Variants in TMEM253 observed in about 807,000 individuals in gnomAD.
The protein encoded by TMEM253 is transmembrane protein C14orf176.
TMEM253 carries 22 observed loss-of-function variants against 20.3 expected under a neutral mutation model. That is an observed-to-expected ratio of 1.08 (90% CI 0.78 to 1.55). The LOEUF (loss-of-function observed/expected upper bound fraction) is 1.55. Among genes scored for constraint, TMEM253 ranks in the 40% most tolerant of loss-of-function variants. The pLI, the probability that TMEM253 is intolerant of heterozygous loss-of-function variation, is 0.00. For synonymous variants in TMEM253, 92 were observed against 102.6 expected (o/e 0.90, Z 0.62); for missense variants, 251 against 266.1 (o/e 0.94, Z 0.39).
chr14:21,100,729 C>G (rs1889581398), upstream of TMEM253, among the ~76,000 whole-genome samples: 1 of 152,168 alleles, frequency 6.6e-6, no homozygotes, highest in Non-Finnish European at 1.5e-5. Context: ...CTTACCTGGT[C>G]TGGGGGCAAA....
intron 3 of TMEM253, 33 bp from the exon 4 acceptor site, chr14:21,102,029 ACC>A: frequency 6.4e-7 from 1 of 1,550,676 alleles, no homozygotes; most frequent in Non-Finnish European, 8.7e-7. Context: ...TCCTAACGGG[ACC>A]AGAGCTCAAC....
chr14:21,101,806 T>A, intron 2 of TMEM253, 59 bp from the exon 3 acceptor site: 1 of 1,377,200 alleles, frequency 7.3e-7, no homozygotes, highest in Non-Finnish European at 1.0e-6. Context: ...AGGTAGGAGT[T>A]ACGAGAAGGG....
intron 2 of TMEM253, 41 bp downstream of exon 2, chr14:21,101,492 C>A (rs756018855): frequency 1.3e-6 from 2 of 1,509,618 alleles, no homozygotes; most frequent in Admixed American, 2.0e-5. Context: ...AGCATGTCCA[C>A]TTCTACCCAA....
In TMEM253 at chr14:21,103,152, T is replaced by A. The variant is rs1046228971; in HGVS notation, c.548T>A (p.Leu183Ter). 6.4e-7 allele frequency: 1 copy of A among 1,551,686 alleles called. No individual in the cohort carries two copies. Among genetic ancestry groups the A allele is most frequent in the Admixed American group, 2.0e-5 (1 of 51,004 alleles). ...TCTGGTTTTCAGGGCTTCTCTGAGTTGGAAGAGGTTCCTGGTTTGGAGAAT... is the reference window on the plus strand; with the variant it reads ...TCTGGTTTTCAGGGCTTCTCTGAGTAGGAAGAGGTTCCTGGTTTGGAGAAT... Residue 183 changes from leucine to a stop codon, truncating the protein, a stop_gained, in exon 7 of 7, where the codon TTG becomes TAG. Transcript: ENST00000556585. LOFTEE classifies it low-confidence loss of function (END_TRUNC).
At chr14:21,100,163 G>T (rs1040690510), upstream of TMEM253, among the ~76,000 whole-genome samples, 1 of 152,104 alleles carries the variant, frequency 6.6e-6, no homozygotes, top group East Asian at 1.9e-4. Flanking sequence ...AGGAGTTTGA[G>T]ACCAGCTTAG....
At position 21,103,397 on chromosome 14, in the gene TMEM253, A is replaced by C. The variant is rs150024369; in HGVS notation, c.*139A>C. The C allele has an allele frequency of 9.0e-3, 12,072 of 1,341,336 alleles. 82 individuals carry two copies. The highest frequency in any genetic ancestry group is 0.019 in the South Asian group (1,219 of 65,518). The allele number at this position is 1,341,336 out of a possible 1,614,324, so 83.1% of individuals were successfully genotyped here. ...GCCCTTTTTTCGTTCCTTCCCTGTT[A>C]GGGGAAGATACACCTGGACGAGAAT... On this transcript the variant is annotated 3_prime_UTR_variant, in exon 7 of 7. Coordinates refer to ENST00000556585, the Ensembl canonical transcript of TMEM253.
exon 7 of TMEM253, chr14:21,103,534 T>G: frequency 2.4e-6 from 1 of 423,048 alleles, no homozygotes; most frequent in Non-Finnish European, 4.2e-6. Context: ...TTTTCTTTTC[T>G]GTCCACCTTT....
upstream of TMEM253, chr14:21,101,084 C>A: frequency 2.9e-6 from 1 of 346,964 alleles, no homozygotes; most frequent in South Asian, 3.0e-5. Context: ...CAGCCTTCCT[C>A]TGCCAGGACA....
At position 21,101,989 on chromosome 14, in the gene TMEM253, C is replaced by A. The variant is rs1229341927; in HGVS notation, c.219+14C>A. On this transcript the variant is annotated intron_variant, in intron 3 of 6. Transcript: ENST00000556585. ...CCTGGAGCCTCAGTAAGACCCACCACAAGGGAGGGTGGAAGGTCCCAGGGC... is the reference window on the plus strand; with the variant it reads ...CCTGGAGCCTCAGTAAGACCCACCAAAAGGGAGGGTGGAAGGTCCCAGGGC... 1.3e-6 allele frequency: 2 copies of A among 1,551,068 alleles called. No homozygotes were observed. The highest frequency in any genetic ancestry group is 4.9e-5 in the East Asian group (2 of 40,906).
In TMEM253 at chr14:21,102,601, G is replaced by A. The variant is rs1423563224; in HGVS notation, c.388-32G>A. 5.8e-6 allele frequency: 9 copies of A among 1,550,996 alleles called. No individual in the cohort carries two copies. In the Admixed American group the frequency reaches 5.9e-5, roughly 10 times the overall value. On this transcript the variant is annotated intron_variant, in intron 5 of 6. Coordinates refer to ENST00000556585, the Ensembl canonical transcript of TMEM253. Reference sequence around the variant, plus strand: ...AAGGGCAGGGGCAAACAGGTGCGGGGTCCCTGCATTCTCAGCCCTGTCTAC... The same window carrying A: ...AAGGGCAGGGGCAAACAGGTGCGGGATCCCTGCATTCTCAGCCCTGTCTAC...
exon 7 of TMEM253, chr14:21,103,165 T>G: frequency 6.4e-7 from 1 of 1,551,716 alleles, no homozygotes; most frequent in Non-Finnish European, 8.7e-7. Context: ...AAGAGGTTCC[T>G]GGTTTGGAGA....
chr14:21,101,546 C>A, intron 2 of TMEM253, 95 bp downstream of exon 2: 1 of 1,178,912 alleles, frequency 8.5e-7, no homozygotes, highest in South Asian at 1.4e-5. Flanking sequence ...TGAGCACCTA[C>A]CATGTGCCAG....
exon 6 of TMEM253, chr14:21,102,682 G>C: frequency 6.4e-7 from 1 of 1,551,590 alleles, no homozygotes; most frequent in Non-Finnish European, 8.7e-7. Context: ...TTCACCCTAG[G>C]GGGAGTGCTG....
At position 21,102,790 on chromosome 14, in the gene TMEM253, A is replaced by C; in HGVS notation, c.534+11A>C. 1 of 1,546,904 alleles carries C rather than the reference A, an allele frequency of 6.5e-7. No homozygotes were observed. The highest frequency in any genetic ancestry group is 2.4e-5 in the East Asian group (1 of 40,906). The stretch of plus-strand genomic sequence containing the variant: ...CAAGAGCTGCAGGAGGTATGGGGGC[A>C]GGGAAGAAAGCACGAATAGCTAGCT... On this transcript the variant is annotated intron_variant, in intron 6 of 6. Transcript: ENST00000556585.
At chr14:21,102,271 G>T in intron 4 of TMEM253, 134 bp from the exon 5 acceptor site, 1 of 1,405,448 alleles carries the variant, frequency 7.1e-7, no homozygotes, top group Non-Finnish European at 9.6e-7. Context: ...AAGCAAAAAA[G>T]TTAAGAGGGC....
rs1889627101 is a variant in TMEM253 at position 21,101,463 on chromosome 14, C to T, written c.108+12C>T. On this transcript the variant is annotated intron_variant, in intron 2 of 6. Transcript: ENST00000556585. The stretch of plus-strand genomic sequence containing the variant: ...TCTTGGTGCTAGCGGTGAGGCCAGG[C>T]TACCCCATCCCAGGTCTCAGCATGT... 1.9e-6 allele frequency: 3 copies of T among 1,549,330 alleles called. No individual in the cohort carries two copies. The highest frequency in any genetic ancestry group is 2.6e-6 in the Non-Finnish European group (3 of 1,145,144).
chr14:21,100,471 C>T (rs1889563016), upstream of TMEM253, among the ~76,000 whole-genome samples: 1 of 152,132 alleles, frequency 6.6e-6, no homozygotes, highest in South Asian at 2.1e-4. Flanking sequence ...GGCACCTTCT[C>T]TCTCAAAAAT....
rs1889611605 is a variant in TMEM253 at position 21,101,290 on chromosome 14, A to G, written c.-36-18A>G. The stretch of plus-strand genomic sequence containing the variant: ...TCCTGTCTCCTAATAGACAGAACCT[A>G]TAACGCATTTTTCCCAGCCTAGGAA... On this transcript the variant is annotated intron_variant, in intron 1 of 6. Coordinates refer to ENST00000556585, the Ensembl canonical transcript of TMEM253. 2.0e-6 allele frequency: 3 copies of G among 1,500,740 alleles called. No individual in the cohort carries two copies. Among genetic ancestry groups the G allele is most frequent in the South Asian group, 1.2e-5 (1 of 82,684 alleles). The allele number at this position is 1,500,740 out of a possible 1,614,324, so 93.0% of individuals were successfully genotyped here.
exon 7 of TMEM253, chr14:21,103,497 T>C (rs1356588961): frequency 7.1e-6 from 4 of 560,686 alleles, no homozygotes; most frequent in Non-Finnish European, 1.2e-5. Flanking sequence ...CACCTCCCCA[T>C]ACAGCTTCAC....
Sources: allele counts gnomAD v4.1 joint callset (sites outside exome capture counted in the v4.1 genomes callset), GRCh38; gene constraint gnomAD v4.1.1; transcripts MANE v1.5; gene names NCBI Gene and HGNC (gene_info 2026-07-23, HGNC 2026-07-21).